The following ITPA variants were observed in gnomAD, a reference collection of about 807,000 sequenced individuals.
The protein encoded by ITPA is inosine triphosphate pyrophosphatase.
A neutral mutation model predicts 29.6 loss-of-function variants in ITPA; 29 were observed. That is an observed-to-expected ratio of 0.98 (90% confidence interval 0.73 to 1.34). ITPA has a LOEUF of 1.34. ITPA is among the 40% of genes most tolerant of loss of function. ITPA has a pLI of 0.00. For synonymous variants in ITPA, 103 were observed against 99.3 expected (o/e 1.04, Z -0.22); for missense variants, 241 against 251.5 (o/e 0.96, Z 0.28).
downstream of ITPA, among the ~76,000 whole-genome samples, chr20:3,224,984 C>T (rs1202415771): frequency 6.6e-6 from 1 of 152,178 alleles, no homozygotes; most frequent in Non-Finnish European, 1.5e-5. Flanking sequence ...GTGGGAGGAT[C>T]GCTTGAGCCC....
Position 3,213,993 on chromosome 20 carries a change from G to A in ITPA, c.198G>A (p.Gly66=), listed in dbSNP as rs1166191164. Residue 66 remains glycine (G), a synonymous_variant, in exon 4 of 8, where the codon GGG becomes GGA. Transcript: ENST00000380113. The part of the protein sequence containing the change: ...KCQEAVRQVQ[G]PVLVEDTCLC... ...ATGTCTTTGTGCTGCAGGTACAGGG[G>A]CCCGTGCTGGTTGAGGACACTTGTC... 5 of 1,614,178 alleles carry A rather than the reference G, an allele frequency of 3.1e-6. No homozygotes were observed. The highest frequency in any genetic ancestry group is 4.2e-6 in the Non-Finnish European group (5 of 1,180,022).
At chr20:3,204,343 G>A (rs548196104), upstream of ITPA, among the ~76,000 whole-genome samples, 1 of 152,238 alleles carries the variant, frequency 6.6e-6, no homozygotes, top group South Asian at 2.1e-4. Context: ...TCGAGAGAAA[G>A]GGGTAGCGGC....
At chr20:3,207,909 C>T (rs956653516), upstream of ITPA, among the ~76,000 whole-genome samples, 3 of 150,112 alleles carry the variant, frequency 2.0e-5, no homozygotes, top group South Asian at 2.1e-4. Flanking sequence ...GCAGGAGAAT[C>T]GCTTCAACCC....
chr20:3,220,718 A>T (rs8113964), intron 6 of ITPA, among the ~76,000 whole-genome samples: 6,415 of 79,752 alleles, frequency 0.08, 446 homozygotes, highest in African/African-American at 0.2. Context: ...CTGGCTAATT[A>T]AAAAAAAAAA....
At chr20:3,211,538 G>A (rs2067174825) in intron 1 of ITPA, among the ~76,000 whole-genome samples, 1 of 151,456 alleles carries the variant, frequency 6.6e-6, no homozygotes, top group South Asian at 2.1e-4. Flanking sequence ...TGTTGCCCAG[G>A]CTGGAGTGCA....
chr20:3,215,175 C>A, intron 4 of ITPA, 106 bp from the exon 5 acceptor site: 1 of 1,151,486 alleles, frequency 8.7e-7, no homozygotes, highest in Non-Finnish European at 1.3e-6. Flanking sequence ...CTCTTGGAGG[C>A]ATTCTTTTTC....
chr20:3,213,322 C>G lies in ITPA; in HGVS notation c.128C>G (p.Pro43Arg). 6.2e-7 allele frequency: 1 copy of G among 1,613,952 alleles called. No homozygotes were observed. Among genetic ancestry groups the G allele is most frequent in the Non-Finnish European group, 8.5e-7 (1 of 1,179,902 alleles). The change falls in exon 3 of 8, where the codon CCG becomes CGG. Residue 43 changes from proline (P) to arginine (R), a missense_variant. Physicochemically the swap from Pro to Arg is moderately radical, Grantham distance 103 (BLOSUM62 -2). Transcript: ENST00000380113. ...GTGTGTCTGTTTCCCTGATAAGTGC[C>G]GGAGTACCAGGGGGAGCCGGATGAG... ...CTLVAQKIDL[P>R]EYQGEPDEIS...
downstream of ITPA, among the ~76,000 whole-genome samples, chr20:3,225,171 C>G (rs985901105): frequency 2.0e-5 from 3 of 152,164 alleles, no homozygotes; most frequent in African/African-American, 7.2e-5. Context: ...CCACTGCACT[C>G]CAGCCTGGGC....
intron 1 of ITPA, among the ~76,000 whole-genome samples, chr20:3,212,705 G>A (rs2067200945): frequency 4.6e-5 from 7 of 152,144 alleles, no homozygotes; most frequent in Non-Finnish European, 1.0e-4. Context: ...TGTGATTTTA[G>A]TAGGGTTAAA....
chr20:3,223,406 C>T lies in ITPA; in HGVS notation c.529C>T (p.His177Tyr). ...TAAGGCGGAGAAGAACGCTGTCTCCCATCGCTTCCGGGCCCTGCTGGAGCT... is the reference window on the plus strand; with the variant it reads ...TAAGGCGGAGAAGAACGCTGTCTCCTATCGCTTCCGGGCCCTGCTGGAGCT... ...MPKAEKNAVSHRFRALLELQE... is the reference protein window; with the variant it reads ...MPKAEKNAVSYRFRALLELQE... Residue 177 changes from histidine to tyrosine, a missense_variant, in exon 8 of 8, where the codon CAT becomes TAT. His to Tyr is a moderately conservative substitution (Grantham distance 83). Transcript: ENST00000380113. 6.2e-7 allele frequency: 1 copy of T among 1,613,936 alleles called. No individual in the cohort carries two copies. The highest frequency in any genetic ancestry group is 8.5e-7 in the Non-Finnish European group (1 of 1,180,004).
upstream of ITPA, among the ~76,000 whole-genome samples, chr20:3,204,975 C>G (rs569280779): frequency 1.3e-5 from 2 of 152,084 alleles, no homozygotes; most frequent in East Asian, 1.9e-4. Context: ...CTCAGACTCC[C>G]GAGTAGCTGG....
downstream of ITPA, among the ~76,000 whole-genome samples, chr20:3,226,527 G>A (rs186375778): frequency 4.6e-5 from 7 of 152,220 alleles, no homozygotes; most frequent in Admixed American, 2.6e-4. The surrounding 1 kb of genome is among the most constrained non-coding windows in gnomAD (Gnocchi z 4.4). Flanking sequence ...GTGGGCTTAC[G>A]TTTCTCTAAT....
upstream of ITPA, among the ~76,000 whole-genome samples, chr20:3,206,499 C>T (rs1461309871): frequency 2.0e-5 from 3 of 151,532 alleles, no homozygotes; most frequent in Non-Finnish European, 4.4e-5. Context: ...GAATTTGAGA[C>T]CAGCCTGACC....
downstream of ITPA, among the ~76,000 whole-genome samples, chr20:3,225,536 C>T (rs975996865): frequency 1.3e-5 from 2 of 152,176 alleles, no homozygotes; most frequent in African/African-American, 4.8e-5. Flanking sequence ...TGTGGGGGTT[C>T]CTGGAGGGTG....
upstream of ITPA, among the ~76,000 whole-genome samples, chr20:3,207,316 C>T (rs925035077): frequency 6.6e-6 from 1 of 152,132 alleles, no homozygotes; most frequent in African/African-American, 2.4e-5. Flanking sequence ...GTCTTGAACT[C>T]CTGGGATCAA....
At chr20:3,212,152 CAGAG>C (rs140847890) in intron 1 of ITPA, among the ~76,000 whole-genome samples, 2 of 151,372 alleles carry the variant, frequency 1.3e-5, no homozygotes, top group Admixed American at 6.6e-5. Flanking sequence ...GCCTGGGTGA[CAGAG>C]AGAGAGACCC....
At chr20:3,216,208 G>A (rs1440108792) in intron 5 of ITPA, among the ~76,000 whole-genome samples, 1 of 144,920 alleles carries the variant, frequency 6.9e-6, no homozygotes, top group Non-Finnish European at 1.5e-5. Context: ...CGCCCAGGCT[G>A]GAGTGCAGTG....
upstream of ITPA, among the ~76,000 whole-genome samples, chr20:3,205,634 G>A (rs750151553): frequency 2.0e-5 from 3 of 152,094 alleles, no homozygotes; most frequent in African/African-American, 7.2e-5. Context: ...CAGGGAGGTC[G>A]AGGCTGCAGT....
chr20:3,204,646 G>A, upstream of ITPA: 9 of 1,564,662 alleles, frequency 5.8e-6, no homozygotes, highest in Non-Finnish European at 7.8e-6. Flanking sequence ...CCTCAGTGCA[G>A]AACCACTGCG....
Sources: gnomAD v4.1 joint callset for allele counts (sites outside exome capture counted in the v4.1 genomes callset) on GRCh38, gnomAD v4.1.1 for gene constraint, Gnocchi (gnomAD v3.1) non-coding constraint, MANE v1.5 for transcripts, NCBI Gene and HGNC (gene_info 2026-07-23, HGNC 2026-07-21) for gene names.